Variants in DNAH1 observed in about 807,000 individuals in gnomAD.
The protein encoded by DNAH1 is axonemal beta dynein heavy chain 1.
DNAH1 carries 327 observed loss-of-function variants against 484.3 expected under a neutral mutation model. The observed-to-expected ratio is 0.68, with a 90% confidence interval of 0.62 to 0.74. The LOEUF (loss-of-function observed/expected upper bound fraction) is 0.74, where lower values mean the gene tolerates loss of function less well. DNAH1 is among the 30% of genes least tolerant of loss of function. The pLI, the probability that DNAH1 is intolerant of heterozygous loss-of-function variation, is 0.00. For missense variants in DNAH1, 5,052 were observed against 5,546.8 expected (o/e 0.91, Z 2.83); for synonymous variants, 2,192 against 2,191.9 (o/e 1.00, Z 0.00).
intron 8 of DNAH1, among the ~76,000 whole-genome samples, chr3:52,335,291 G>A (rs1230525736): frequency 1.5e-5 from 2 of 131,934 alleles, no homozygotes; most frequent in East Asian, 2.2e-4. Context: ...TCCTGACCTC[G>A]TGATCCACCT....
Position 52,358,603 on chromosome 3 carries a change from G to A in DNAH1, c.4132G>A (p.Glu1378Lys), listed in dbSNP as rs776645685. 5.6e-6 allele frequency: 9 copies of A among 1,612,966 alleles called. No individual in the cohort carries two copies. The highest frequency in any genetic ancestry group is 2.7e-5 in the African/African-American group (2 of 74,890). Residue 1378 changes from glutamate (E) to lysine (K), a missense_variant, in exon 25 of 78, where the codon GAG becomes AAG. Physicochemically the swap from Glu to Lys is moderately conservative, Grantham distance 56. Transcript: ENST00000420323. The surrounding 1 kb of genome is among the most constrained non-coding windows in gnomAD (Gnocchi z 4.2). ...GGAGATCACGCACATGTACTCAGCCGAGGGGGAGGAGGTACAGTTGTGCTT... is the reference window on the plus strand; with the variant it reads ...GGAGATCACGCACATGTACTCAGCCAAGGGGGAGGAGGTACAGTTGTGCTT... ...DLEITHMYSA[E>K]GEEVQLCFSI...
Position 52,322,756 on chromosome 3 carries a change from G to A in DNAH1, c.314G>A (p.Gly105Glu), listed in dbSNP as rs1259707235. ...TTCTACTCCGACATCCTCAGCCCTG[G>A]AACCTTAGATCAACTTGGGGTGAGT... is the stretch of plus-strand genomic sequence containing the variant. The part of the protein sequence containing the change: ...RGFYSDILSP[G>E]TLDQLGEVCR... Residue 105 changes from glycine to glutamate, a missense_variant, in exon 2 of 78, where the codon GGA (glycine) becomes GAA (glutamate). Physicochemically the swap from Gly to Glu is moderately conservative, Grantham distance 98. Coordinates refer to ENST00000420323, the MANE Select transcript of DNAH1 (RefSeq NM_015512.5). 7.5e-6 allele frequency: 12 copies of A among 1,606,544 alleles called. No individual in the cohort carries two copies. Among genetic ancestry groups the A allele is most frequent in the Non-Finnish European group, 9.3e-6 (11 of 1,176,498 alleles).
rs1473498940 is a variant in DNAH1 at position 52,350,522 on chromosome 3, G to A, written c.2661G>A (p.Lys887=). 4 of 1,613,816 alleles carry A rather than the reference G, an allele frequency of 2.5e-6. No homozygotes were observed. The highest frequency in any genetic ancestry group is 3.4e-6 in the Non-Finnish European group (4 of 1,179,852). Residue 887 remains lysine (K), a synonymous_variant, in exon 16 of 78, where the codon AAG becomes AAA. Coordinates refer to ENST00000420323, the MANE Select transcript of DNAH1 (RefSeq NM_015512.5). ...RLVGLEERIV[K]VMDDYQVMDE... ...TGTCTGTGCAGGAGCGGATTGTGAAGGTCATGGATGACTACCAGGTCATGG... is the reference window on the plus strand; with the variant it reads ...TGTCTGTGCAGGAGCGGATTGTGAAAGTCATGGATGACTACCAGGTCATGG...
chr3:52,327,875 C>T lies in DNAH1; in HGVS notation c.739-7C>T, dbSNP rs1227509801. On this transcript the variant is annotated splice_region_variant and splice_polypyrimidine_tract_variant and intron_variant, in intron 5 of 77. Coordinates refer to ENST00000420323, the MANE Select transcript of DNAH1 (RefSeq NM_015512.5). ...CTTCTTCCCAATGTTGGCCTGCTTT[C>T]TTCCAGGTATTTGACAATGAGGACT... is the stretch of plus-strand genomic sequence containing the variant. 7.4e-6 allele frequency: 12 copies of T among 1,612,868 alleles called. No homozygotes were observed. Among genetic ancestry groups the T allele is most frequent in the East Asian group, 6.7e-5 (3 of 44,840 alleles).
chr3:52,354,705 C>T (rs1024398173), intron 20 of DNAH1, 138 bp from the exon 21 acceptor site: 9 of 719,298 alleles, frequency 1.3e-5, no homozygotes, highest in East Asian at 5.5e-5. Flanking sequence ...TGTTGCCAGA[C>T]AAGCCGAGAG....
In DNAH1 at chr3:52,392,971, C is replaced by CT. The variant is rs1704462202; in HGVS notation, c.10422dup (p.Glu3475Ter). The CT allele has an allele frequency of 6.2e-7, 1 of 1,613,774 alleles. No homozygotes were observed. The highest frequency in any genetic ancestry group is 8.5e-7 in the Non-Finnish European group (1 of 1,179,838). ...CGTGGACCCCATGTACCAGTACTCCCTTGAGTGGTTTCTCAACATCTTCCT... is the reference window on the plus strand; with the variant it reads ...CGTGGACCCCATGTACCAGTACTCCCTTTGAGTGGTTTCTCAACATCTTCCT... On this transcript the variant is annotated frameshift_variant, in exon 65 of 78. Transcript: ENST00000420323. LOFTEE classifies it high-confidence loss of function.
intron 16 of DNAH1, among the ~76,000 whole-genome samples, chr3:52,351,495 AG>A (rs1702377477): frequency 6.6e-6 from 1 of 152,214 alleles, no homozygotes; most frequent in African/African-American, 2.4e-5. Flanking sequence ...GGCCAGCTGC[AG>A]GTGGAAGCCC....
intron 71 of DNAH1, 37 bp downstream of exon 71, chr3:52,396,575 C>T: frequency 1.2e-6 from 2 of 1,611,536 alleles, no homozygotes; most frequent in Non-Finnish European, 8.5e-7. Context: ...CCTACCTGCC[C>T]CCGTCCCCGC....
chr3:52,315,609 A>G (rs1366295959), upstream of DNAH1, among the ~76,000 whole-genome samples: 1 of 152,218 alleles, frequency 6.6e-6, no homozygotes, highest in African/African-American at 2.4e-5. Context: ...CAACTCTTGT[A>G]GAAACCTAGT....
chr3:52,396,229 A>C, intron 70 of DNAH1, 139 bp from the exon 71 acceptor site: 3 of 970,474 alleles, frequency 3.1e-6, no homozygotes, highest in South Asian at 1.7e-5. Context: ...CACCGCGCCC[A>C]GCCAAAAGCC....
In DNAH1 at chr3:52,394,972, C is replaced by A. The variant is rs11708581; in HGVS notation, c.10881C>A (p.Val3627=). 0.11 allele frequency: 174,359 copies of A among 1,612,930 alleles called. 10,647 individuals carry two copies. The highest frequency in any genetic ancestry group is 0.13 in the Non-Finnish European group (147,813 of 1,179,396). Residue 3627 remains valine, a synonymous_variant, in exon 68 of 78, where the codon GTC becomes GTA. Transcript: ENST00000420323. Reference sequence around the variant, plus strand: ...TAGACCAGTTCCAGAAGCTGCTAGTCCTCCGCTGCCTGCGTGGGGACAAGG... The same window carrying A: ...TAGACCAGTTCCAGAAGCTGCTAGTACTCCGCTGCCTGCGTGGGGACAAGG... ...QYLDQFQKLL[V]LRCLRGDKVT...
At position 52,388,217 on chromosome 3, in the gene DNAH1, T is replaced by C. The variant is rs755687272; in HGVS notation, c.9054T>C (p.Asn3018=). The change falls in exon 57 of 78, where the codon AAT becomes AAC. Residue 3018 remains asparagine, a synonymous_variant. Transcript: ENST00000420323. The stretch of plus-strand genomic sequence containing the variant: ...AAGCCATCCAGCCGTACATCGATAA[T>C]GAAGAGTTCCAGCCAGCCACCATTG... ...VIKAIQPYID[N]EEFQPATIAK... 1.2e-6 allele frequency: 2 copies of C among 1,609,470 alleles called. No individual in the cohort carries two copies. Among genetic ancestry groups the C allele is most frequent in the Non-Finnish European group, 1.7e-6 (2 of 1,178,030 alleles).
At chr3:52,317,145 C>G (rs1050323897) in intron 1 of DNAH1, among the ~76,000 whole-genome samples, 1 of 152,122 alleles carries the variant, frequency 6.6e-6, no homozygotes, top group East Asian at 1.9e-4. Context: ...GACATTCTGA[C>G]GTGTTTCTTC....
chr3:52,376,284 C>T (rs528662175), intron 46 of DNAH1, among the ~76,000 whole-genome samples: 2 of 152,364 alleles, frequency 1.3e-5, no homozygotes, highest in East Asian at 3.9e-4. Flanking sequence ...CAAACTCCCA[C>T]CCTGTGTGAA....
At chr3:52,393,059 A>G (rs1274622496) in intron 65 of DNAH1, 34 bp downstream of exon 65, 1 of 1,600,188 alleles carries the variant, frequency 6.2e-7, no homozygotes, top group South Asian at 1.1e-5. Flanking sequence ...TACCCTGCAC[A>G]GATATGACCC....
At position 52,358,284 on chromosome 3, in the gene DNAH1, T is replaced by A. The variant is rs1702702602; in HGVS notation, c.4087-274T>A. Among the ~76,000 whole-genome samples the A allele has an allele frequency of 6.6e-6, 1 of 152,194 alleles. No homozygotes were observed. The highest frequency in any genetic ancestry group is 2.1e-4 in the South Asian group (1 of 4,832). On this transcript the variant is annotated intron_variant, in intron 24 of 77. Transcript: ENST00000420323. The surrounding 1 kb of genome is among the most constrained non-coding windows in gnomAD (Gnocchi z 4.2). ...CTGTGGCCTGCCTTGTCTTCCCTCA[T>A]CTATGCAGGAGGCCGGGGACATGCA...
At chr3:52,399,902 G>A (rs1459904502) in intron 77 of DNAH1, 123 bp downstream of exon 77, 3 of 1,057,522 alleles carry the variant, frequency 2.8e-6, no homozygotes, top group South Asian at 1.6e-5. Flanking sequence ...TTTGGGCCAG[G>A]CCAGCAAGCA....
At chr3:52,359,478 G>T (rs1702765448) in intron 26 of DNAH1, 92 bp downstream of exon 26, 3 of 1,491,296 alleles carry the variant, frequency 2.0e-6, no homozygotes. Context: ...CCTATAGTGA[G>T]CCTGGAAGAG....
rs1304172530 is a variant in DNAH1, at chr3:52,382,307, C to A, written c.7806-13C>A. ...AGTCCCTGGCATGCTTCAACCCAAA[C>A]TTCTGCCTCCAGGGCCGAGTACGAG... On this transcript the variant is annotated splice_polypyrimidine_tract_variant and intron_variant, in intron 49 of 77. Transcript: ENST00000420323. The A allele has an allele frequency of 6.2e-7, 1 of 1,613,996 alleles. No individual in the cohort carries two copies. The highest frequency in any genetic ancestry group is 1.7e-5 in the Admixed American group (1 of 60,024).
Sources: gnomAD v4.1 joint callset for allele counts (sites outside exome capture counted in the v4.1 genomes callset) on GRCh38, gnomAD v4.1.1 for gene constraint, Gnocchi (gnomAD v3.1) non-coding constraint, MANE v1.5 for transcripts, NCBI Gene and HGNC (gene_info 2026-07-23, HGNC 2026-07-21) for gene names.